Variants in ARHGAP26 observed in about 807,000 individuals in gnomAD.
The protein encoded by ARHGAP26 is rho GTPase-activating protein 26.
ARHGAP26 carries 38 observed loss-of-function variants against 104.8 expected under a neutral mutation model. The ratio of observed to expected loss-of-function variants is 0.36; its 90% CI spans 0.28 to 0.48. The LOEUF is 0.48. Ranked by LOEUF, ARHGAP26 falls within the 20% of genes least tolerant of loss-of-function variation. The pLI, the probability that ARHGAP26 is intolerant of heterozygous loss-of-function variation, is 0.99. For synonymous variants in ARHGAP26, 341 were observed against 340.0 expected (o/e 1.00, Z -0.03); for missense variants, 704 against 947.9 (o/e 0.74, Z 3.38).
chr5:142,863,739 C>T (rs1044922110), intron 1 of ARHGAP26, among the ~76,000 whole-genome samples: 2 of 151,770 alleles, frequency 1.3e-5, no homozygotes, highest in Non-Finnish European at 2.9e-5. Flanking sequence ...GAAATGTAGA[C>T]TCTCGGGCTC....
chr5:143,122,328 CA>C (rs1796238363), intron 18 of ARHGAP26, among the ~76,000 whole-genome samples: 1 of 152,204 alleles, frequency 6.6e-6, no homozygotes, highest in Non-Finnish European at 1.5e-5. Flanking sequence ...AAGGCCTTCG[CA>C]GTTGCTGTTC....
intron 17 of ARHGAP26, among the ~76,000 whole-genome samples, chr5:143,066,883 C>T (rs1029199929): frequency 6.6e-6 from 1 of 152,214 alleles, no homozygotes; most frequent in African/African-American, 2.4e-5. Context: ...TATCTGGTTT[C>T]AGGTCCTACC....
intron 11 of ARHGAP26, among the ~76,000 whole-genome samples, chr5:142,944,952 A>G (rs996693535): frequency 6.6e-5 from 10 of 152,072 alleles, no homozygotes; most frequent in African/African-American, 2.4e-4. Context: ...CCCATTGCTC[A>G]GATTTGGAGC....
At chr5:143,011,301 C>T (rs907840080) in intron 11 of ARHGAP26, among the ~76,000 whole-genome samples, 1 of 86,116 alleles carries the variant, frequency 1.2e-5, no homozygotes, top group Non-Finnish European at 2.2e-5. Flanking sequence ...AATAAACCCC[C>T]GCTTTTTTTT....
intron 1 of ARHGAP26, among the ~76,000 whole-genome samples, chr5:142,791,964 G>T (rs1046909124): frequency 2.1e-4 from 31 of 145,250 alleles, no homozygotes; most frequent in Admixed American, 1.0e-3. Context: ...AAAAAAAAAG[G>T]TGTTAAGTTT....
At chr5:143,088,088 G>GCTA (rs1466774828) in intron 17 of ARHGAP26, among the ~76,000 whole-genome samples, 4 of 152,208 alleles carry the variant, frequency 2.6e-5, no homozygotes, top group Admixed American at 2.6e-4. Flanking sequence ...TAAAGCTGGT[G>GCTA]CTACTGTTCC....
chr5:143,174,249 G>A (rs1421894696), intron 20 of ARHGAP26, among the ~76,000 whole-genome samples: 1 of 152,154 alleles, frequency 6.6e-6, no homozygotes, highest in African/African-American at 2.4e-5. Context: ...TCTCCACAAT[G>A]GCATGCTACA....
chr5:142,781,119 G>A (rs1245502289), intron 1 of ARHGAP26, among the ~76,000 whole-genome samples: 2 of 152,180 alleles, frequency 1.3e-5, no homozygotes, highest in Non-Finnish European at 2.9e-5. Context: ...GAGATTGCTA[G>A]CAGTTTAAAA....
intron 12 of ARHGAP26, among the ~76,000 whole-genome samples, chr5:143,024,089 G>A (rs1219338397): frequency 6.6e-6 from 1 of 152,234 alleles, no homozygotes; most frequent in African/African-American, 2.4e-5. Flanking sequence ...TAGTTGAGCT[G>A]TAATACCCCA....
intron 11 of ARHGAP26, among the ~76,000 whole-genome samples, chr5:142,949,164 CCAGAGAGAGAGAGA>C (rs1767654891): frequency 2.5e-5 from 1 of 40,626 alleles, no homozygotes; most frequent in African/African-American, 1.0e-4. Flanking sequence ...AGTTGAATTT[CCAGAGAGAGAGAGA>C]GAGAGAGAGA....
chr5:142,931,583 G>A (rs533739411), intron 10 of ARHGAP26, among the ~76,000 whole-genome samples: 1 of 152,204 alleles, frequency 6.6e-6, no homozygotes, highest in Non-Finnish European at 1.5e-5. Context: ...TTTAGAAGCA[G>A]TGGACTAGAT....
chr5:143,049,918 C>T (rs1161879971), intron 14 of ARHGAP26, among the ~76,000 whole-genome samples: 1 of 152,198 alleles, frequency 6.6e-6, no homozygotes, highest in Non-Finnish European at 1.5e-5. Context: ...CCTTCTGATT[C>T]ACTTGCCTTG....
chr5:143,177,101 A>G (rs1002504399), intron 20 of ARHGAP26, among the ~76,000 whole-genome samples: 4 of 152,188 alleles, frequency 2.6e-5, no homozygotes, highest in Non-Finnish European at 4.4e-5. Flanking sequence ...TTGCCCTGGT[A>G]TAAATTTAAT....
At chr5:142,785,532 G>A (rs868820776) in intron 1 of ARHGAP26, among the ~76,000 whole-genome samples, 10 of 152,270 alleles carry the variant, frequency 6.6e-5, no homozygotes, top group Middle Eastern at 3.4e-3. Context: ...GAACGAGAGC[G>A]TGTTATTTCT....
chr5:142,825,500 T>C (rs1767062850), intron 1 of ARHGAP26, among the ~76,000 whole-genome samples: 2 of 152,200 alleles, frequency 1.3e-5, no homozygotes, highest in South Asian at 4.1e-4. Context: ...GCAGGGGACC[T>C]ATGTCAGCAG....
At position 143,057,637 on chromosome 5, in the gene ARHGAP26, TG is replaced by T; in HGVS notation, c.1433-4del. On this transcript the variant is annotated splice_region_variant and splice_polypyrimidine_tract_variant and intron_variant, in intron 16 of 22. Coordinates refer to ENST00000645722, the MANE Select transcript of ARHGAP26 (RefSeq NM_001135608.3). Reference sequence around the variant, plus strand: ...TAAGATATTACCTCCCTCCTTCCTTTGCAGAACTGGAGAACCAGGAGTCTCG... The same window carrying T: ...TAAGATATTACCTCCCTCCTTCCTTTCAGAACTGGAGAACCAGGAGTCTCG... 1 of 1,612,942 alleles carries T rather than the reference TG, an allele frequency of 6.2e-7. No individual in the cohort carries two copies. Among genetic ancestry groups the T allele is most frequent in the Non-Finnish European group, 8.5e-7 (1 of 1,179,150 alleles).
At chr5:142,956,152 C>T (rs1485980046) in intron 11 of ARHGAP26, among the ~76,000 whole-genome samples, 1 of 152,118 alleles carries the variant, frequency 6.6e-6, no homozygotes, top group African/African-American at 2.4e-5. Flanking sequence ...TATGATTAAT[C>T]AAAAATATTA....
intron 17 of ARHGAP26, among the ~76,000 whole-genome samples, chr5:143,080,826 A>G (rs139324792): frequency 2.8e-4 from 43 of 152,296 alleles, no homozygotes; most frequent in African/African-American, 1.0e-3. Flanking sequence ...CAGTTGCTCT[A>G]TGGCAAATGA....
At chr5:143,140,059 G>A (rs954901282) in intron 19 of ARHGAP26, among the ~76,000 whole-genome samples, 1 of 152,232 alleles carries the variant, frequency 6.6e-6, no homozygotes, top group African/African-American at 2.4e-5. Context: ...GTGTGCATTT[G>A]AATCTTGTAG....
Sources: allele counts gnomAD v4.1 joint callset (sites outside exome capture counted in the v4.1 genomes callset), GRCh38; gene constraint gnomAD v4.1.1; transcripts MANE v1.5; gene names NCBI Gene and HGNC (gene_info 2026-07-23, HGNC 2026-07-21).